The following SDCCAG8 variants were observed in gnomAD, a reference collection of about 807,000 sequenced individuals.
The protein encoded by SDCCAG8 is SHH signaling and ciliogenesis regulator SDCCAG8.
SDCCAG8 carries 74 observed loss-of-function variants against 101.8 expected under a neutral mutation model. The observed-to-expected ratio is 0.73, with a 90% confidence interval of 0.60 to 0.88. SDCCAG8 has a LOEUF of 0.88. SDCCAG8 is among the 40% of genes least tolerant of loss of function. The pLI is 0.00. For synonymous variants in SDCCAG8, 281 were observed against 292.9 expected, an observed-to-expected ratio of 0.96 and a Z score of 0.41; for missense variants, 787 against 822.6, an observed-to-expected ratio of 0.96 and a Z score of 0.53.
At chr1:243,464,078 A>G (rs550989273) in intron 16 of SDCCAG8, among the ~76,000 whole-genome samples, 1 of 152,292 alleles carries the variant, frequency 6.6e-6, no homozygotes, top group East Asian at 1.9e-4. Flanking sequence ...TGCTGTTCCT[A>G]GAGGGGAACA....
At chr1:243,334,850 C>T (rs531110598) in intron 10 of SDCCAG8, among the ~76,000 whole-genome samples, 4 of 152,212 alleles carry the variant, frequency 2.6e-5, no homozygotes, top group Admixed American at 2.0e-4. Flanking sequence ...GGCCACTCAA[C>T]GTGCTAGGAT....
intron 12 of SDCCAG8, among the ~76,000 whole-genome samples, chr1:243,345,840 G>T (rs1327426199): frequency 6.6e-6 from 1 of 152,192 alleles, no homozygotes; most frequent in Non-Finnish European, 1.5e-5. Context: ...ATCCGTGATG[G>T]TATGGAGGCT....
At chr1:243,352,105 A>G (rs2076114921) in intron 12 of SDCCAG8, among the ~76,000 whole-genome samples, 1 of 152,220 alleles carries the variant, frequency 6.6e-6, no homozygotes, top group Admixed American at 6.5e-5. Flanking sequence ...TGATTTTCCA[A>G]CAAAGATGAT....
chr1:243,489,404 G>T (rs1665828761), intron 17 of SDCCAG8, among the ~76,000 whole-genome samples: 1 of 152,226 alleles, frequency 6.6e-6, no homozygotes, highest in Admixed American at 6.5e-5. Context: ...GCCAAGTTGC[G>T]CCGTGCAGGC....
chr1:243,405,231 T>C (rs1488883744), intron 13 of SDCCAG8, among the ~76,000 whole-genome samples: 1 of 152,158 alleles, frequency 6.6e-6, no homozygotes, highest in African/African-American at 2.4e-5. Flanking sequence ...AAACGTACTT[T>C]TAAGAAGCAA....
chr1:243,430,680 C>T lies in SDCCAG8; in HGVS notation c.1985+4122C>T, dbSNP rs568700408. 5.3e-5 allele frequency among the ~76,000 whole-genome samples: 8 copies of T among 152,020 alleles called. No homozygotes were observed. In the South Asian group the frequency reaches 1.2e-3, roughly 24 times the overall value. On this transcript the variant is annotated intron_variant, in intron 16 of 17. Coordinates refer to ENST00000366541, the MANE Select transcript of SDCCAG8 (RefSeq NM_006642.5). The stretch of plus-strand genomic sequence containing the variant: ...GTCTGGATCTCCTGACCTCGTGATC[C>T]GCCAGCCTCGGCCTCCCAAAGTGCT...
chr1:243,497,725 G>A lies in SDCCAG8; in HGVS notation c.2113-2031G>A, dbSNP rs141752044. On this transcript the variant is annotated intron_variant, in intron 17 of 17. Coordinates refer to ENST00000366541, the MANE Select transcript of SDCCAG8 (RefSeq NM_006642.5). ...TACGCCTATTCTGTATTGTGTGTAC[G>A]TGGGTGTGTTCTCTACCCAAAATTC... Among the ~76,000 whole-genome samples the A allele has an allele frequency of 4.3e-3, 661 of 152,274 alleles. 3 individuals carry two copies. The highest frequency in any genetic ancestry group is 0.015 in the African/African-American group (614 of 41,552).
At chr1:243,289,476 G>A (rs2069996722) in intron 5 of SDCCAG8, among the ~76,000 whole-genome samples, 1 of 152,176 alleles carries the variant, frequency 6.6e-6, no homozygotes, top group Non-Finnish European at 1.5e-5. Context: ...TTGACACTCA[G>A]TATTAACCAT....
chr1:243,424,119 G>A (rs1453938643), intron 15 of SDCCAG8, among the ~76,000 whole-genome samples: 1 of 152,032 alleles, frequency 6.6e-6, no homozygotes, highest in Non-Finnish European at 1.5e-5. Flanking sequence ...GAATTTTGAT[G>A]GAGAGTGCAG....
chr1:243,377,537 A>G (rs1050996766), intron 12 of SDCCAG8, among the ~76,000 whole-genome samples: 1 of 151,994 alleles, frequency 6.6e-6, no homozygotes. Context: ...AAGTTATTAT[A>G]TTGTTGGTTA....
At chr1:243,461,696 C>A (rs892543853) in intron 16 of SDCCAG8, among the ~76,000 whole-genome samples, 1 of 151,852 alleles carries the variant, frequency 6.6e-6, no homozygotes, top group Non-Finnish European at 1.5e-5. Flanking sequence ...GTTTCATTTT[C>A]ATCCCATTCC....
chr1:243,317,013 A>G (rs1260539693), intron 9 of SDCCAG8, 120 bp downstream of exon 9: 2 of 1,054,444 alleles, frequency 1.9e-6, no homozygotes, highest in Admixed American at 4.8e-5. Context: ...AAAGTGAATT[A>G]TCAATCTGTT....
intron 16 of SDCCAG8, chr1:243,476,324 A>G (rs1662408209): frequency 1.0e-6 from 1 of 985,350 alleles, no homozygotes; most frequent in African/African-American, 1.7e-5. Context: ...GTTGTTATCA[A>G]ATTACTTGCA....
intron 15 of SDCCAG8, 45 bp from the exon 16 acceptor site, chr1:243,426,382 A>G: frequency 1.3e-6 from 2 of 1,540,510 alleles, no homozygotes; most frequent in South Asian, 2.3e-5. Context: ...ATGCCCTAGT[A>G]ATAAGAACTT....
chr1:243,343,990 A>G (rs552270634), intron 11 of SDCCAG8, among the ~76,000 whole-genome samples: 10 of 152,362 alleles, frequency 6.6e-5, no homozygotes, highest in South Asian at 6.2e-4. Flanking sequence ...TTCCTTAGTT[A>G]TGCATTTATT....
At chr1:243,368,987 G>T (rs1200758651) in intron 12 of SDCCAG8, among the ~76,000 whole-genome samples, 2 of 152,084 alleles carry the variant, frequency 1.3e-5, no homozygotes, top group Admixed American at 6.6e-5. Context: ...GACATTTCAG[G>T]AGGGGGTTAT....
intron 16 of SDCCAG8, among the ~76,000 whole-genome samples, chr1:243,448,193 T>C (rs1000636603): frequency 2.0e-4 from 30 of 152,164 alleles, no homozygotes; most frequent in African/African-American, 7.0e-4. Flanking sequence ...TCTGGGACCT[T>C]GTCAAGGCAT....
chr1:243,345,886 G>A (rs561637111), intron 12 of SDCCAG8, among the ~76,000 whole-genome samples: 2 of 152,188 alleles, frequency 1.3e-5, no homozygotes, highest in Non-Finnish European at 2.9e-5. Flanking sequence ...GTTTTCATTT[G>A]TAAACGTTTT....
Position 243,316,317 on chromosome 1 carries a change from A to G in SDCCAG8, c.930-438A>G, listed in dbSNP as rs138874064. 7.9e-3 allele frequency among the ~76,000 whole-genome samples: 1,206 copies of G among 152,338 alleles called. 11 individuals carry two copies. Among genetic ancestry groups the G allele is most frequent in the Non-Finnish European group, 0.012 (848 of 68,042 alleles). ...GAGAAAGATAAAAAGGAAAGGACAT[A>G]TATTTGTTCAAGTAAATGAGAGGAG... On this transcript the variant is annotated intron_variant, in intron 8 of 17. Coordinates refer to ENST00000366541, the MANE Select transcript of SDCCAG8 (RefSeq NM_006642.5).
Sources: gnomAD v4.1 joint callset for allele counts (sites outside exome capture counted in the v4.1 genomes callset) on GRCh38, gnomAD v4.1.1 for gene constraint, MANE v1.5 for transcripts, NCBI Gene and HGNC (gene_info 2026-07-23, HGNC 2026-07-21) for gene names.